PLD5: variants seen among roughly 807,000 people sequenced by gnomAD.
PLD5 encodes phospholipase D family member 5, also known as inactive phospholipase D5.
Under a neutral mutation model 61.1 loss-of-function variants are expected in PLD5, and 36 were observed. The observed-to-expected ratio is 0.59, with a 90% CI of 0.45 to 0.78. The LOEUF (loss-of-function observed/expected upper bound fraction) is 0.78, where lower values mean the gene tolerates loss of function less well. Among genes scored for constraint, PLD5 ranks in the 30% least tolerant of loss-of-function variants. The probability of loss-of-function intolerance (pLI) is 0.00; values close to 1 mark genes in which losing one functional copy is unlikely to be tolerated. For synonymous variants in PLD5, 243 were observed against 242.8 expected (o/e 1.00, Z -0.01); for missense variants, 515 against 644.4 (o/e 0.80, Z 2.17).
At chr1:242,510,521 T>A (rs1391508276) in intron 1 of PLD5, among the ~76,000 whole-genome samples, 1 of 152,172 alleles carries the variant, frequency 6.6e-6, no homozygotes, top group Non-Finnish European at 1.5e-5. Flanking sequence ...AGGCCAGGGT[T>A]ATAATTAAGG....
At chr1:242,113,697 CA>C (rs1661720654) in intron 7 of PLD5, among the ~76,000 whole-genome samples, 192 bp downstream of exon 7, 1 of 152,184 alleles carries the variant, frequency 6.6e-6, no homozygotes, top group Non-Finnish European at 1.5e-5. Context: ...CATGAGCCTT[CA>C]AAATGGACCC....
intron 1 of PLD5, among the ~76,000 whole-genome samples, chr1:242,504,767 T>G (rs1261652760): frequency 2.0e-5 from 3 of 152,068 alleles, no homozygotes; most frequent in African/African-American, 4.8e-5. Flanking sequence ...TCCCAAATAT[T>G]TTTTTTTAAA....
chr1:242,425,890 A>T (rs1665396035), intron 1 of PLD5, among the ~76,000 whole-genome samples: 1 of 151,954 alleles, frequency 6.6e-6, no homozygotes, highest in Admixed American at 6.6e-5. Context: ...TGATCGGCCC[A>T]CATTGGCCTC....
At chr1:242,488,765 T>A (rs6429359) in intron 1 of PLD5, among the ~76,000 whole-genome samples, 78,091 of 151,888 alleles carry the variant, frequency 0.51, 20,747 homozygotes, top group African/African-American at 0.64. Flanking sequence ...ATATTGGCTC[T>A]TCAATTACAA....
intron 1 of PLD5, among the ~76,000 whole-genome samples, chr1:242,522,104 T>C (rs1669299480): frequency 6.6e-6 from 1 of 152,192 alleles, no homozygotes; most frequent in Admixed American, 6.5e-5. Context: ...CCATTTCTAA[T>C]TGAAAGGGTG....
At chr1:242,431,358 A>G (rs1367579387) in intron 1 of PLD5, among the ~76,000 whole-genome samples, 1 of 152,250 alleles carries the variant, frequency 6.6e-6, no homozygotes, top group African/African-American at 2.4e-5. Context: ...CTTTTAAAGG[A>G]TAAAAAAGGC....
intron 1 of PLD5, among the ~76,000 whole-genome samples, chr1:242,506,193 G>A (rs977095277): frequency 2.0e-5 from 3 of 152,166 alleles, no homozygotes; most frequent in Non-Finnish European, 2.9e-5. Context: ...GTTACTCCTT[G>A]CTGCATGGAT....
chr1:242,247,223 C>T (rs1672442347), intron 4 of PLD5, among the ~76,000 whole-genome samples: 1 of 152,142 alleles, frequency 6.6e-6, no homozygotes, highest in African/African-American at 2.4e-5. Flanking sequence ...ACCTCGTGAT[C>T]CGCCCGCCTC....
intron 5 of PLD5, among the ~76,000 whole-genome samples, chr1:242,146,682 C>A (rs902715600): frequency 3.9e-5 from 6 of 152,112 alleles, no homozygotes; most frequent in Admixed American, 1.3e-4. Context: ...TTAAAAAGTT[C>A]TTATATTAAA....
intron 1 of PLD5, among the ~76,000 whole-genome samples, chr1:242,510,808 G>C (rs945492005): frequency 1.3e-5 from 2 of 151,704 alleles, no homozygotes; most frequent in African/African-American, 2.4e-5. Flanking sequence ...TCGCGCCACT[G>C]CACTCCAGCC....
rs184682875 is a variant in PLD5 at position 242,159,875 on chromosome 1, G to A, written c.736-35210C>T. Among the ~76,000 whole-genome samples the A allele has an allele frequency of 3.3e-3, 496 of 152,240 alleles. 1 individual carries two copies. The highest frequency in any genetic ancestry group is 4.8e-3 in the Non-Finnish European group (324 of 68,024). On this transcript the variant is annotated intron_variant, in intron 5 of 9. Coordinates refer to ENST00000536534, the MANE Select transcript of PLD5 (RefSeq NM_001372062.1). ...ATTATTTTTGTGACAACTTGGTGAG[G>A]TCCATGGAGAAAACTCTAAGATTGG...
chr1:242,100,618 C>G, intron 9 of PLD5, 50 bp downstream of exon 9: 1 of 1,376,564 alleles, frequency 7.3e-7, no homozygotes, highest in Non-Finnish European at 1.0e-6. Flanking sequence ...GCTGGACTAC[C>G]ACTCCCTGGG....
At chr1:242,122,338 C>A (rs1189028037) in intron 6 of PLD5, among the ~76,000 whole-genome samples, 2 of 152,218 alleles carry the variant, frequency 1.3e-5, no homozygotes, top group East Asian at 3.8e-4. Context: ...ATGTATGCAA[C>A]AACCATATTC....
At chr1:242,417,691 C>T (rs77224341) in intron 1 of PLD5, among the ~76,000 whole-genome samples, 5,706 of 152,274 alleles carry the variant, frequency 0.037, 381 homozygotes, top group African/African-American at 0.13. Flanking sequence ...GCTAAGCCCC[C>T]GTTATGGGGC....
At chr1:242,110,824 A>C (rs1276639591) in intron 7 of PLD5, among the ~76,000 whole-genome samples, 1 of 152,172 alleles carries the variant, frequency 6.6e-6, no homozygotes, top group African/African-American at 2.4e-5. Context: ...ACACACACAC[A>C]CACACCAATG....
Position 242,457,776 on chromosome 1 carries a change from T to G in PLD5, c.189+66312A>C, listed in dbSNP as rs567722667. ...GTCCGGCTCAACCTCTGCCTCCTCC[T>G]GGTTACACTGATCCTTCTACCCTCT... On this transcript the variant is annotated intron_variant, in intron 1 of 9. Transcript: ENST00000536534. 1.5e-4 allele frequency among the ~76,000 whole-genome samples: 23 copies of G among 152,324 alleles called. No individual in the cohort carries two copies. In the South Asian group the frequency reaches 4.1e-3, roughly 27 times the overall value.
chr1:242,270,850 A>G (rs1674022372), intron 3 of PLD5, among the ~76,000 whole-genome samples: 1 of 152,136 alleles, frequency 6.6e-6, no homozygotes, highest in African/African-American at 2.4e-5. Flanking sequence ...TCCAGTCTTT[A>G]CCTTCCTTCA....
intron 4 of PLD5, among the ~76,000 whole-genome samples, chr1:242,222,297 T>C (rs10926661): frequency 0.3 from 46,137 of 152,010 alleles, 7,309 homozygotes; most frequent in East Asian, 0.53. Flanking sequence ...TTCTGGGGGA[T>C]GCAATTCAAC....
At chr1:242,293,340 GTTTCAC>G (rs2149145189) in intron 2 of PLD5, among the ~76,000 whole-genome samples, 1 of 152,268 alleles carries the variant, frequency 6.6e-6, no homozygotes, top group African/African-American at 2.4e-5. Flanking sequence ...AGTTTCTACA[GTTTCAC>G]TTTCTACAGT....
Sources: allele counts gnomAD v4.1 joint callset (sites outside exome capture counted in the v4.1 genomes callset), GRCh38; gene constraint gnomAD v4.1.1; transcripts MANE v1.5; gene names NCBI Gene and HGNC (gene_info 2026-07-23, HGNC 2026-07-21).